The following EYS variants were observed in gnomAD, a reference collection of about 807,000 sequenced individuals.
EYS encodes the protein protein eyes shut homolog.
EYS carries 250 observed loss-of-function variants against 282.1 expected under a neutral mutation model. The ratio of observed to expected loss-of-function variants is 0.89; its 90% CI spans 0.80 to 0.98. EYS has a LOEUF of 0.98. Among genes scored for constraint, EYS ranks in the 50% least tolerant of loss-of-function variants. EYS has a pLI of 0.00. For missense variants in EYS, 4,016 were observed against 3,709.0 expected (o/e 1.08, Z -2.15); for synonymous variants, 1,355 against 1,282.9 (o/e 1.06, Z -1.20).
chr6:65,204,063 T>A (rs2150247577), intron 12 of EYS, among the ~76,000 whole-genome samples: 1 of 152,140 alleles, frequency 6.6e-6, no homozygotes, highest in East Asian at 1.9e-4. Flanking sequence ...AAAATATGGG[T>A]TATGTAAAGC....
intron 10 of EYS, among the ~76,000 whole-genome samples, chr6:65,337,901 A>G (rs944700192): frequency 2.7e-5 from 4 of 150,942 alleles, no homozygotes; most frequent in African/African-American, 9.7e-5. Flanking sequence ...ATTAGTATGA[A>G]ATTTGGAAAA....
chr6:65,318,077 C>T (rs1371706028), intron 11 of EYS, among the ~76,000 whole-genome samples: 3 of 151,404 alleles, frequency 2.0e-5, no homozygotes, highest in African/African-American at 7.3e-5. Flanking sequence ...CCATGTTAGC[C>T]AGGATGGTCT....
intron 12 of EYS, among the ~76,000 whole-genome samples, chr6:65,183,359 T>C (rs1034377802): frequency 9.9e-5 from 15 of 152,044 alleles, no homozygotes; most frequent in African/African-American, 3.6e-4. Context: ...AAAAGGGTGA[T>C]ACACCACAAA....
chr6:64,423,205 C>T (rs1774292681), intron 28 of EYS, among the ~76,000 whole-genome samples: 2 of 152,066 alleles, frequency 1.3e-5, no homozygotes. Flanking sequence ...CATGGATTAA[C>T]AATTATTGAT....
intron 36 of EYS, among the ~76,000 whole-genome samples, chr6:63,836,662 G>C (rs1771815045): frequency 1.3e-5 from 2 of 151,914 alleles, no homozygotes; most frequent in African/African-American, 2.4e-5. Flanking sequence ...AAAGAGTACA[G>C]ATTTTTAAAA....
At chr6:64,063,848 G>A (rs1771267614) in intron 33 of EYS, among the ~76,000 whole-genome samples, 1 of 152,112 alleles carries the variant, frequency 6.6e-6, no homozygotes, top group Non-Finnish European at 1.5e-5. Flanking sequence ...TCCCGCCTCA[G>A]CCTCCTGAGT....
At chr6:63,874,050 T>G (rs1218870918) in intron 35 of EYS, among the ~76,000 whole-genome samples, 2 of 152,216 alleles carry the variant, frequency 1.3e-5, no homozygotes, top group African/African-American at 4.8e-5. Flanking sequence ...TTTGATGTTT[T>G]AGTCATGAAG....
intron 22 of EYS, among the ~76,000 whole-genome samples, chr6:64,790,023 T>C (rs1583161231): frequency 6.6e-6 from 1 of 151,964 alleles, no homozygotes; most frequent in Non-Finnish European, 1.5e-5. Context: ...TAAATCCTTA[T>C]AAAAACAGCC....
At chr6:64,016,007 C>T (rs1203247391) in intron 33 of EYS, among the ~76,000 whole-genome samples, 1 of 152,154 alleles carries the variant, frequency 6.6e-6, no homozygotes, top group Non-Finnish European at 1.5e-5. Flanking sequence ...AACAAAGGAA[C>T]TATGTTTTCT....
chr6:63,881,271 A>C (rs1773124795), intron 35 of EYS, among the ~76,000 whole-genome samples: 1 of 152,124 alleles, frequency 6.6e-6, no homozygotes, highest in Non-Finnish European at 1.5e-5. Context: ...GCAATTCCTA[A>C]ATTGCTTCAC....
intron 31 of EYS, among the ~76,000 whole-genome samples, chr6:64,151,389 T>C (rs774878566): frequency 3.7e-5 from 5 of 136,312 alleles, no homozygotes; most frequent in Admixed American, 7.6e-5. Context: ...TGAGATGGAG[T>C]CTCGCTCTGT....
At chr6:64,632,614 T>TCAGAAATTGTCATCTAGG (rs1767823677) in intron 22 of EYS, among the ~76,000 whole-genome samples, 1 of 152,114 alleles carries the variant, frequency 6.6e-6, no homozygotes, top group African/African-American at 2.4e-5. Context: ...TCTAACTGGA[T>TCAGAAATTGTCATCTAGG]TCATCCTTCA....
chr6:64,481,996 C>T (rs1331663695), intron 26 of EYS, among the ~76,000 whole-genome samples: 5 of 151,642 alleles, frequency 3.3e-5, no homozygotes, highest in Admixed American at 1.3e-4. Context: ...CCTGGGACAA[C>T]GGAGGTGAGG....
chr6:64,987,305 A>T (rs1461800540), intron 14 of EYS, among the ~76,000 whole-genome samples: 1 of 151,536 alleles, frequency 6.6e-6, no homozygotes, highest in Non-Finnish European at 1.5e-5. Flanking sequence ...GCTTAGAAAC[A>T]TAAATCACTG....
At chr6:64,847,998 A>G (rs1562223533) in intron 19 of EYS, among the ~76,000 whole-genome samples, 1 of 151,942 alleles carries the variant, frequency 6.6e-6, no homozygotes. Context: ...GTTTTTGCAT[A>G]TTTTCCTAAT....
chr6:65,572,900 A>G (rs1764529027), intron 2 of EYS, among the ~76,000 whole-genome samples: 1 of 152,198 alleles, frequency 6.6e-6, no homozygotes, highest in African/African-American at 2.4e-5. Context: ...TCCATTAAAC[A>G]AAACTACATT....
intron 22 of EYS, among the ~76,000 whole-genome samples, chr6:64,757,744 TTGTGTGTG>T (rs66825340): frequency 0.037 from 5,104 of 139,824 alleles, 176 homozygotes; most frequent in African/African-American, 0.097. Flanking sequence ...CTTTTTTTCT[TTGTGTGTG>T]TGTGTGTGTG....
intron 12 of EYS, among the ~76,000 whole-genome samples, chr6:65,157,031 A>G (rs189758831): frequency 6.6e-6 from 1 of 151,234 alleles, no homozygotes; most frequent in East Asian, 2.0e-4. Context: ...TACATCTGTT[A>G]TTTGACTCAG....
chr6:64,662,038 G>T (rs1012787918), intron 22 of EYS, among the ~76,000 whole-genome samples: 10 of 151,968 alleles, frequency 6.6e-5, no homozygotes, highest in Non-Finnish European at 1.3e-4. Context: ...ATACACCATG[G>T]AATACTATGC....
Sources: gnomAD v4.1 joint callset for allele counts (sites outside exome capture counted in the v4.1 genomes callset) on GRCh38, gnomAD v4.1.1 for gene constraint, MANE v1.5 for transcripts, NCBI Gene and HGNC (gene_info 2026-07-23, HGNC 2026-07-21) for gene names.